Variants in USH2A observed in about 807,000 individuals in gnomAD.
USH2A encodes the protein usherin.
Under a neutral mutation model 538.9 loss-of-function variants are expected in USH2A, and 443 were observed. The ratio of observed to expected loss-of-function variants is 0.82; its 90% CI spans 0.76 to 0.89. USH2A has a LOEUF of 0.89. USH2A is among the 40% of genes least tolerant of loss of function. USH2A has a pLI of 0.00. For synonymous variants in USH2A, 2,413 were observed against 2,273.5 expected, an observed-to-expected ratio of 1.06 and a Z score of -1.75; for missense variants, 6,633 against 6,324.8, an observed-to-expected ratio of 1.05 and a Z score of -1.65.
At chr1:215,884,570 A>G (rs1000089125) in intron 41 of USH2A, among the ~76,000 whole-genome samples, 2 of 152,254 alleles carry the variant, frequency 1.3e-5, no homozygotes, top group East Asian at 3.8e-4. Flanking sequence ...AGTTGTAGTA[A>G]GAATTAAATG....
intron 58 of USH2A, among the ~76,000 whole-genome samples, chr1:215,744,949 T>G (rs2102729509): frequency 6.6e-6 from 1 of 152,346 alleles, no homozygotes; most frequent in East Asian, 1.9e-4. Context: ...ATCTCTAGCT[T>G]TCTATCTTTC....
chr1:215,824,914 C>T lies in USH2A; in HGVS notation c.9372-7719G>A, dbSNP rs570942548. ...CTTACCATCTGCTCGGAGATTTTCA[C>T]TTCTCTGTGACTTTGGGAACTGTCT... is the stretch of plus-strand genomic sequence containing the variant. On this transcript the variant is annotated intron_variant, in intron 47 of 71. Transcript: ENST00000307340. Among the ~76,000 whole-genome samples the T allele has an allele frequency of 3.9e-5, 6 of 152,250 alleles. No homozygotes were observed. The South Asian group carries it at 1.0e-3, about 26-fold the overall frequency.
At chr1:215,682,081 A>G (rs1054299868) in intron 61 of USH2A, among the ~76,000 whole-genome samples, 2 of 152,224 alleles carry the variant, frequency 1.3e-5, no homozygotes, top group Non-Finnish European at 2.9e-5. Context: ...TGAAGATGCT[A>G]CAAGTCCCGA....
At chr1:216,204,733 A>G (rs2035075175) in intron 16 of USH2A, among the ~76,000 whole-genome samples, 1 of 152,200 alleles carries the variant, frequency 6.6e-6, no homozygotes, top group African/African-American at 2.4e-5. Context: ...TACACATGCT[A>G]GCCACGCACT....
intron 50 of USH2A, among the ~76,000 whole-genome samples, chr1:215,795,754 A>T (rs1031884813): frequency 1.3e-5 from 2 of 152,150 alleles, no homozygotes; most frequent in East Asian, 3.9e-4. Context: ...ATAGTACAGG[A>T]TAACTAATTA....
intron 44 of USH2A, among the ~76,000 whole-genome samples, chr1:215,859,211 G>A (rs868241270): frequency 2.6e-5 from 4 of 152,024 alleles, no homozygotes; most frequent in Admixed American, 6.6e-5. Context: ...ATTTATAAAG[G>A]GACTTTTTTC....
At chr1:215,722,447 T>A (rs1346717980) in intron 61 of USH2A, among the ~76,000 whole-genome samples, 1 of 152,190 alleles carries the variant, frequency 6.6e-6, no homozygotes, top group Non-Finnish European at 1.5e-5. Context: ...GAAAATGGGA[T>A]TAAAAATAAA....
chr1:216,169,149 T>C (rs899707384), intron 21 of USH2A, among the ~76,000 whole-genome samples: 3 of 152,190 alleles, frequency 2.0e-5, no homozygotes, highest in African/African-American at 7.2e-5. Context: ...CATATGTTTA[T>C]GCATGTGGGA....
At chr1:215,857,158 A>G (rs1444449649) in intron 44 of USH2A, among the ~76,000 whole-genome samples, 1 of 152,108 alleles carries the variant, frequency 6.6e-6, no homozygotes, top group Non-Finnish European at 1.5e-5. Flanking sequence ...CTGAAAAATC[A>G]CCACTAAAGA....
chr1:216,089,876 G>A (rs543872723), intron 22 of USH2A, among the ~76,000 whole-genome samples: 2 of 151,770 alleles, frequency 1.3e-5, no homozygotes, highest in South Asian at 2.1e-4. Context: ...CTACTTTCGA[G>A]AAAAGTAAAC....
At chr1:215,840,706 A>T (rs951376899) in intron 46 of USH2A, among the ~76,000 whole-genome samples, 3 of 152,192 alleles carry the variant, frequency 2.0e-5, no homozygotes, top group African/African-American at 2.4e-5. Flanking sequence ...CACAGCACAC[A>T]GTGTTCTCAC....
chr1:215,783,755 T>A (rs149467763), intron 52 of USH2A, among the ~76,000 whole-genome samples: 1 of 152,206 alleles, frequency 6.6e-6, no homozygotes, highest in African/African-American at 2.4e-5. Context: ...TAAGTAAGTA[T>A]GTATGTATTT....
intron 32 of USH2A, among the ~76,000 whole-genome samples, chr1:216,034,782 G>A (rs1669209237): frequency 6.6e-6 from 1 of 152,114 alleles, no homozygotes; most frequent in African/African-American, 2.4e-5. Flanking sequence ...CTCCCCTACA[G>A]TTTTCAGAGA....
At chr1:215,847,016 T>C in intron 44 of USH2A, among the ~76,000 whole-genome samples, 1 of 152,186 alleles carries the variant, frequency 6.6e-6, no homozygotes, top group Admixed American at 6.5e-5. Context: ...AGAGAAGCCT[T>C]TAAAAGATAC....
intron 16 of USH2A, among the ~76,000 whole-genome samples, chr1:216,201,276 A>G (rs2034992497): frequency 6.7e-6 from 1 of 149,254 alleles, no homozygotes. Context: ...GTGATAACCC[A>G]TCGTGTAAAC....
At chr1:216,374,203 T>C (rs953191482) in intron 3 of USH2A, among the ~76,000 whole-genome samples, 9 of 151,406 alleles carry the variant, frequency 5.9e-5, no homozygotes, top group Non-Finnish European at 1.3e-4. Context: ...TGTATACATA[T>C]GTAACAAGCC....
At chr1:216,345,002 A>G (rs76520255) in intron 4 of USH2A, among the ~76,000 whole-genome samples, 8,013 of 151,740 alleles carry the variant, frequency 0.053, 291 homozygotes, top group Middle Eastern at 0.1. Flanking sequence ...TTTCCTCCCA[A>G]AAGGGGGATG....
intron 38 of USH2A, among the ~76,000 whole-genome samples, chr1:215,905,919 G>A (rs748030852): frequency 6.6e-6 from 1 of 152,124 alleles, no homozygotes; most frequent in South Asian, 2.1e-4. Context: ...TGAATAGCCT[G>A]GCACATATTC....
At chr1:216,000,084 C>G (rs1668230872) in intron 33 of USH2A, among the ~76,000 whole-genome samples, 1 of 152,156 alleles carries the variant, frequency 6.6e-6, no homozygotes, top group African/African-American at 2.4e-5. Context: ...AAAAGATATA[C>G]ATACTTTCTA....
Sources: allele counts gnomAD v4.1 joint callset (sites outside exome capture counted in the v4.1 genomes callset), GRCh38; gene constraint gnomAD v4.1.1; transcripts MANE v1.5; gene names NCBI Gene and HGNC (gene_info 2026-07-23, HGNC 2026-07-21).